P2RX7: variants seen among roughly 807,000 people sequenced by gnomAD.
The protein encoded by P2RX7 is P2X purinoceptor 7.
In P2RX7, 62 loss-of-function variants were observed where a neutral mutation model predicts 71.6. The observed-to-expected ratio is 0.87, with a 90% CI of 0.71 to 1.07. The LOEUF (loss-of-function observed/expected upper bound fraction) is 1.07. Among genes scored for constraint, P2RX7 ranks in the 50% least tolerant of loss-of-function variants. The probability of loss-of-function intolerance (pLI) is 0.00; values close to 1 mark genes in which losing one functional copy is unlikely to be tolerated. For missense variants in P2RX7, 686 were observed against 748.5 expected (o/e 0.92, Z 0.97); for synonymous variants, 299 against 283.3 (o/e 1.06, Z -0.56).
chr12:121,162,692 G>T (rs1879996054), intron 5 of P2RX7, among the ~76,000 whole-genome samples, 172 bp downstream of exon 5: 1 of 152,102 alleles, frequency 6.6e-6, no homozygotes, highest in Admixed American at 6.6e-5. Context: ...AGTATCTCTG[G>T]GAGGGCCATG....
intron 8 of P2RX7, among the ~76,000 whole-genome samples, chr12:121,170,646 G>A (rs1881995057): frequency 6.6e-6 from 1 of 152,130 alleles, no homozygotes; most frequent in African/African-American, 2.4e-5. Flanking sequence ...GTGGTGACAG[G>A]TGCCTGTAAT....
chr12:121,149,094 A>G lies in P2RX7; in HGVS notation c.126-5691A>G. The G allele has an allele frequency of 1.7e-6, 1 of 577,854 alleles. No individual in the cohort carries two copies. The highest frequency in any genetic ancestry group is 3.4e-6 in the Non-Finnish European group (1 of 292,644). 35.8% of individuals were successfully genotyped at this position (577,854 alleles called of 1,614,324 possible). A position where few individuals can be genotyped will look rare whatever the true frequency, so the allele number is the denominator to read the frequency against. On this transcript the variant is annotated intron_variant, in intron 1 of 12. Coordinates refer to ENST00000328963, the MANE Select transcript of P2RX7 (RefSeq NM_002562.6). The surrounding 1 kb of genome is among the most constrained non-coding windows in gnomAD (Gnocchi z 4.7). ...ATCTAACCATGCTGGCATGGGGCCC[A>G]TCCCACCTGTGATGCCAGTGTAAGT...
At chr12:121,169,297 G>T (rs908490386) in intron 8 of P2RX7, among the ~76,000 whole-genome samples, 1 of 151,996 alleles carries the variant, frequency 6.6e-6, no homozygotes, top group Non-Finnish European at 1.5e-5. Flanking sequence ...TTTTTATTTG[G>T]TGCTTTTTCA....
At chr12:121,141,558 G>A (rs370078834) in intron 1 of P2RX7, among the ~76,000 whole-genome samples, 2 of 152,334 alleles carry the variant, frequency 1.3e-5, no homozygotes, top group South Asian at 2.1e-4. Flanking sequence ...CACAGGTACT[G>A]AGAAAGCATG....
rs547974041 is a variant in P2RX7, at chr12:121,145,591, C to T, written c.126-9194C>T. Among the ~76,000 whole-genome samples the T allele has an allele frequency of 2.6e-5, 4 of 151,890 alleles. No homozygotes were observed. The East Asian group carries it at 7.7e-4, about 29-fold the overall frequency. On this transcript the variant is annotated intron_variant, in intron 1 of 12. Transcript: ENST00000328963. ...GTGTGATCTCCACTCACCACAACCT[C>T]TGCCTCCTGGGTTCAAGTGATTCTC... is the stretch of plus-strand genomic sequence containing the variant.
At chr12:121,171,707 A>G (rs1882226718) in intron 8 of P2RX7, among the ~76,000 whole-genome samples, 2 of 152,114 alleles carry the variant, frequency 1.3e-5, no homozygotes, top group African/African-American at 4.8e-5. Context: ...TTCTCAGGGC[A>G]TAGCCCACTG....
chr12:121,177,536 GCTTC>G, intron 11 of P2RX7, 90 bp downstream of exon 11: 7 of 1,266,696 alleles, frequency 5.5e-6, no homozygotes, highest in Non-Finnish European at 8.0e-6. Context: ...CAAATCACAG[GCTTC>G]ATCCTGTAGT....
At chr12:121,144,661 A>G (rs894003328) in intron 1 of P2RX7, among the ~76,000 whole-genome samples, 6 of 152,182 alleles carry the variant, frequency 3.9e-5, no homozygotes, top group African/African-American at 1.4e-4. Flanking sequence ...GGACAGGGTG[A>G]GACTGGAGGA....
intron 6 of P2RX7, 64 bp downstream of exon 6, chr12:121,165,501 C>G: frequency 7.7e-7 from 1 of 1,305,156 alleles, no homozygotes; most frequent in Non-Finnish European, 1.1e-6. Context: ...TATCCCAAAC[C>G]TCAGAAGCCT....
In P2RX7 at chr12:121,187,604, G is replaced by C. The variant is rs1015230905; in HGVS notation, c.*2802G>C. 1.3e-4 allele frequency: 20 copies of C among 152,134 alleles called. No homozygotes were observed. Among genetic ancestry groups the C allele is most frequent in the Non-Finnish European group, 2.9e-4 (20 of 68,036 alleles). 9.4% of individuals were successfully genotyped at this position (152,134 alleles called of 1,614,324 possible). A position where few individuals can be genotyped will look rare whatever the true frequency, so the allele number is the denominator to read the frequency against. On this transcript the variant is annotated 3_prime_UTR_variant, in exon 13 of 13. Transcript: ENST00000328963. ...AATGTGAAATTACAAATAATCACTG[G>C]ATCCATCTACTGTTTTCCATCACCT... is the stretch of plus-strand genomic sequence containing the variant.
intron 1 of P2RX7, among the ~76,000 whole-genome samples, chr12:121,145,262 A>G (rs1200590457): frequency 2.0e-5 from 3 of 152,182 alleles, no homozygotes; most frequent in African/African-American, 7.2e-5. Flanking sequence ...GACTCCTGCA[A>G]GCTAAGGGAA....
At position 121,151,287 on chromosome 12, in the gene P2RX7, A is replaced by G. The variant is rs1315012611; in HGVS notation, c.126-3498A>G. On this transcript the variant is annotated intron_variant, in intron 1 of 12. Transcript: ENST00000328963. ...TTTTGAGACAGAGTCTCACTCTATC[A>G]CCCAGGCTGGAGTGCAGTGGCGCCA... is the stretch of plus-strand genomic sequence containing the variant. Among the ~76,000 whole-genome samples the G allele has an allele frequency of 6.0e-5, 9 of 149,912 alleles. No homozygotes were observed. In the Admixed American group the frequency reaches 6.0e-4, roughly 10 times the overall value.
rs1332320631 is a variant in P2RX7, at chr12:121,183,065, T to C, written c.1291-1240T>C. 1.4e-4 allele frequency among the ~76,000 whole-genome samples: 21 copies of C among 151,738 alleles called. No homozygotes were observed. In the East Asian group the frequency reaches 3.5e-3, roughly 25 times the overall value. On this transcript the variant is annotated intron_variant, in intron 12 of 12. Coordinates refer to ENST00000328963, the MANE Select transcript of P2RX7 (RefSeq NM_002562.6). ...GGTGGCAGGCGCCTGTAGTCCCAGCTACTCGGGAGGCTGAGGCAGGAGAAT... is the reference window on the plus strand; with the variant it reads ...GGTGGCAGGCGCCTGTAGTCCCAGCCACTCGGGAGGCTGAGGCAGGAGAAT...
At chr12:121,175,999 G>T (rs577327870) in intron 9 of P2RX7, among the ~76,000 whole-genome samples, 1 of 152,030 alleles carries the variant, frequency 6.6e-6, no homozygotes, top group Non-Finnish European at 1.5e-5. Flanking sequence ...CAGCACCTTC[G>T]ATCTGACCAG....
chr12:121,160,810 CGT>C (rs747894148), intron 3 of P2RX7, 90 bp from the exon 4 acceptor site: 8 of 1,062,462 alleles, frequency 7.5e-6, no homozygotes, highest in Non-Finnish European at 1.0e-5. Context: ...TATAAGCATT[CGT>C]GTGCACATTC....
At chr12:121,176,349 T>A (rs1360565674) in intron 9 of P2RX7, among the ~76,000 whole-genome samples, 1 of 152,014 alleles carries the variant, frequency 6.6e-6, no homozygotes, top group Non-Finnish European at 1.5e-5. Flanking sequence ...AAAATCAACA[T>A]ATCCCACGAC....
chr12:121,147,165 T>G (rs1876370039), intron 1 of P2RX7, among the ~76,000 whole-genome samples: 1 of 152,196 alleles, frequency 6.6e-6, no homozygotes, highest in African/African-American at 2.4e-5. Context: ...ACTGTAGCAT[T>G]TAAGAAAGCT....
At chr12:121,150,091 C>T (rs1414380256) in intron 1 of P2RX7, among the ~76,000 whole-genome samples, 3 of 152,116 alleles carry the variant, frequency 2.0e-5, no homozygotes, top group Non-Finnish European at 2.9e-5. Flanking sequence ...CAAGCAAGGT[C>T]GGGAGAGTAT....
At chr12:121,141,344 C>G (rs1160009439) in intron 1 of P2RX7, among the ~76,000 whole-genome samples, 1 of 152,232 alleles carries the variant, frequency 6.6e-6, no homozygotes, top group Non-Finnish European at 1.5e-5. Flanking sequence ...TCCGGGGATG[C>G]TGCCCCAGTG....
Sources: gnomAD v4.1 joint callset for allele counts (sites outside exome capture counted in the v4.1 genomes callset) on GRCh38, gnomAD v4.1.1 for gene constraint, Gnocchi (gnomAD v3.1) non-coding constraint, MANE v1.5 for transcripts, NCBI Gene and HGNC (gene_info 2026-07-23, HGNC 2026-07-21) for gene names.